The following MBNL1 variants were observed in gnomAD, a reference collection of about 807,000 sequenced individuals.
The protein encoded by MBNL1 is muscleblind like splicing regulator 1, also known as muscleblind-like protein 1.
MBNL1 carries 8 observed loss-of-function variants against 42.2 expected under a neutral mutation model. The observed-to-expected ratio is 0.19, with a 90% CI of 0.11 to 0.34. The LOEUF (loss-of-function observed/expected upper bound fraction) is 0.34. MBNL1 is among the 10% of genes least tolerant of loss of function. The pLI is 1.00. For missense variants in MBNL1, 309 were observed against 495.3 expected, an observed-to-expected ratio of 0.62 and a Z score of 3.57; for synonymous variants, 169 against 173.9, an observed-to-expected ratio of 0.97 and a Z score of 0.22.
At chr3:152,273,147 A>G (rs1333185629) in intron 1 of MBNL1, among the ~76,000 whole-genome samples, 2 of 152,080 alleles carry the variant, frequency 1.3e-5, no homozygotes, top group Admixed American at 6.6e-5. Flanking sequence ...TTAACTTTGT[A>G]TATTGTTTCT....
intron 1 of MBNL1, among the ~76,000 whole-genome samples, chr3:152,297,141 T>G (rs1023948988): frequency 6.6e-6 from 1 of 152,118 alleles, no homozygotes; most frequent in Admixed American, 6.6e-5. Flanking sequence ...AGTAAAGACA[T>G]TGTTGACCAT....
chr3:152,432,702 TA>T lies in MBNL1; in HGVS notation c.346-14del, dbSNP rs1200620227. ...AGACCTGCATGTTAAATTTTGCTTT[TA>T]TTTTATTTTTCAGCCAATGTTTTCA... On this transcript the variant is annotated splice_polypyrimidine_tract_variant and intron_variant, in intron 3 of 9. Coordinates refer to ENST00000324210, the MANE Select transcript of MBNL1 (RefSeq NM_021038.5). 6.2e-7 allele frequency: 1 copy of T among 1,613,572 alleles called. No homozygotes were observed. The highest frequency in any genetic ancestry group is 8.5e-7 in the Non-Finnish European group (1 of 1,179,602).
chr3:152,357,756 A>G (rs2095631930), intron 2 of MBNL1, among the ~76,000 whole-genome samples: 1 of 152,228 alleles, frequency 6.6e-6, no homozygotes, highest in Non-Finnish European at 1.5e-5. Flanking sequence ...ATAGACTGAC[A>G]TGAGTGAGTA....
At chr3:152,430,145 T>G (rs1268769698) in intron 3 of MBNL1, among the ~76,000 whole-genome samples, 1 of 152,244 alleles carries the variant, frequency 6.6e-6, no homozygotes, top group Non-Finnish European at 1.5e-5. Flanking sequence ...CTGCCTGTAA[T>G]GTGCAACAGC....
chr3:152,429,706 A>T (rs1292006938), intron 3 of MBNL1, among the ~76,000 whole-genome samples: 2 of 152,148 alleles, frequency 1.3e-5, no homozygotes, highest in Admixed American at 1.3e-4. Context: ...CCTATCTTCA[A>T]CATGGCGCTC....
At chr3:152,322,084 T>G (rs1320255223) in intron 2 of MBNL1, among the ~76,000 whole-genome samples, 1 of 152,024 alleles carries the variant, frequency 6.6e-6, no homozygotes, top group Non-Finnish European at 1.5e-5. Flanking sequence ...ACCATATTTT[T>G]GTACTGCATA....
At chr3:152,360,628 C>G (rs749196819) in intron 2 of MBNL1, among the ~76,000 whole-genome samples, 11 of 152,100 alleles carry the variant, frequency 7.2e-5, no homozygotes, top group Admixed American at 1.3e-4. Context: ...CCATAGAACT[C>G]TGTTGACCCT....
intron 1 of MBNL1, among the ~76,000 whole-genome samples, chr3:152,286,942 G>A (rs115107088): frequency 0.071 from 10,756 of 152,146 alleles, 499 homozygotes; most frequent in Middle Eastern, 0.17. Flanking sequence ...TATGGTGGCC[G>A]GGCGTGGTGG....
rs2153656842 is a variant in MBNL1 at position 152,416,545 on chromosome 3, A to G, written c.345+1434A>G. ...GATCAGACAAGTCTTTAGGGTGGCT[A>G]CCACCTTAGCTCCTCTAAGGCCTAT... On this transcript the variant is annotated intron_variant, in intron 3 of 9. Transcript: ENST00000324210. Among the ~76,000 whole-genome samples, 4 of 152,320 alleles carry G rather than the reference A, an allele frequency of 2.6e-5. No individual in the cohort carries two copies. In the Middle Eastern group the frequency reaches 0.01, roughly 389 times the overall value.
intron 2 of MBNL1, among the ~76,000 whole-genome samples, chr3:152,312,728 G>T (rs1404281026): frequency 1.3e-5 from 2 of 152,090 alleles, no homozygotes; most frequent in South Asian, 4.1e-4. Context: ...GGTGTTCCTT[G>T]TCCTTTCATT....
chr3:152,321,524 C>T (rs2076484666), intron 2 of MBNL1, among the ~76,000 whole-genome samples: 1 of 151,970 alleles, frequency 6.6e-6, no homozygotes, highest in South Asian at 2.1e-4. Context: ...TCTCCCCTTG[C>T]CATGAAGCAA....
At chr3:152,303,820 G>A (rs2061733836) in intron 2 of MBNL1, among the ~76,000 whole-genome samples, 1 of 152,054 alleles carries the variant, frequency 6.6e-6, no homozygotes, top group South Asian at 2.1e-4. Flanking sequence ...TCAGGTACTA[G>A]GGATGGGAGA....
Position 152,304,747 on chromosome 3 carries a change from C to T in MBNL1, c.174+4380C>T, listed in dbSNP as rs190119392. 2.6e-5 allele frequency among the ~76,000 whole-genome samples: 4 copies of T among 152,294 alleles called. No individual in the cohort carries two copies. The East Asian group carries it at 5.8e-4, about 22-fold the overall frequency. On this transcript the variant is annotated intron_variant, in intron 2 of 9. Transcript: ENST00000324210. ...ACTTCACAACTTTGTAAAGAATATC[C>T]TGTGAATATGCTGCAGTGTCATCAA...
chr3:152,450,627 G>T (rs1720876541), intron 6 of MBNL1, among the ~76,000 whole-genome samples: 3 of 152,170 alleles, frequency 2.0e-5, no homozygotes, highest in Non-Finnish European at 4.4e-5. Context: ...TGCCTGGCAG[G>T]TTGTACTTGC....
chr3:152,409,445 A>G (rs2153610000), intron 2 of MBNL1, among the ~76,000 whole-genome samples: 1 of 151,850 alleles, frequency 6.6e-6, no homozygotes, highest in Non-Finnish European at 1.5e-5. Flanking sequence ...ATTTTCTGAA[A>G]TATTTGTATC....
chr3:152,456,481 T>A, intron 8 of MBNL1, 120 bp downstream of exon 8: 1 of 774,036 alleles, frequency 1.3e-6, no homozygotes, highest in Non-Finnish European at 2.3e-6. Flanking sequence ...GTGAGGGCTG[T>A]AGAGGGTGCT....
chr3:152,347,637 A>C (rs1171971360), intron 2 of MBNL1, among the ~76,000 whole-genome samples: 3 of 152,120 alleles, frequency 2.0e-5, no homozygotes, highest in Admixed American at 2.0e-4. Context: ...GTGAAAAAGC[A>C]CTGGACTTGG....
intron 1 of MBNL1, among the ~76,000 whole-genome samples, chr3:152,296,828 CA>C (rs1188936821): frequency 6.7e-6 from 1 of 149,402 alleles, no homozygotes; most frequent in Non-Finnish European, 1.5e-5. Context: ...TTTAGTTTAC[CA>C]ATATTTTTGG....
intron 2 of MBNL1, among the ~76,000 whole-genome samples, chr3:152,360,197 A>C (rs1316952049): frequency 1.3e-5 from 2 of 152,108 alleles, no homozygotes; most frequent in Non-Finnish European, 2.9e-5. Context: ...TGTGCTTATA[A>C]TCAGGTTAGT....
Sources: gnomAD v4.1 joint callset for allele counts (sites outside exome capture counted in the v4.1 genomes callset) on GRCh38, gnomAD v4.1.1 for gene constraint, MANE v1.5 for transcripts, NCBI Gene and HGNC (gene_info 2026-07-23, HGNC 2026-07-21) for gene names.